Variants in ERBB4 observed in about 807,000 individuals in gnomAD.
The protein encoded by ERBB4 is receptor tyrosine-protein kinase erbB-4.
In ERBB4, 42 loss-of-function variants were observed where a neutral mutation model predicts 158.0. The ratio of observed to expected loss-of-function variants is 0.27; its 90% CI spans 0.21 to 0.34. The LOEUF is 0.34. Among genes scored for constraint, ERBB4 ranks in the 10% least tolerant of loss-of-function variants. The pLI is 1.00. For missense variants in ERBB4, 1,333 were observed against 1,624.1 expected (o/e 0.82, Z 3.08); for synonymous variants, 583 against 558.7 (o/e 1.04, Z -0.61).
intron 1 of ERBB4, among the ~76,000 whole-genome samples, chr2:212,226,529 A>C (rs1338733165): frequency 1.3e-5 from 2 of 152,298 alleles, no homozygotes; most frequent in East Asian, 3.9e-4. Flanking sequence ...AGAAACCATA[A>C]TTATATAGTT....
chr2:211,829,436 A>C (rs946159996), intron 3 of ERBB4, among the ~76,000 whole-genome samples: 1 of 152,088 alleles, frequency 6.6e-6, no homozygotes, highest in East Asian at 1.9e-4. Flanking sequence ...GTTACCGTTA[A>C]GTATCTCATT....
intron 12 of ERBB4, 109 bp downstream of exon 12, chr2:211,701,858 A>G: frequency 1.3e-6 from 1 of 794,850 alleles, no homozygotes; most frequent in East Asian, 2.6e-5. Flanking sequence ...AAGGGTTGGG[A>G]TAACAGAGCA....
At chr2:212,001,439 TTTA>T (rs1198575069) in intron 2 of ERBB4, among the ~76,000 whole-genome samples, 8 of 152,144 alleles carry the variant, frequency 5.3e-5, no homozygotes, top group Non-Finnish European at 7.4e-5. Context: ...GAGAATAATA[TTTA>T]TTTTCTGTGG....
At chr2:211,483,885 C>G (rs1421688001) in intron 20 of ERBB4, among the ~76,000 whole-genome samples, 2 of 151,580 alleles carry the variant, frequency 1.3e-5, no homozygotes, top group African/African-American at 4.9e-5. Context: ...GAGAATAATA[C>G]AAGTAAGAAG....
intron 12 of ERBB4, among the ~76,000 whole-genome samples, chr2:211,697,671 T>C (rs2073075745): frequency 6.6e-6 from 1 of 152,200 alleles, no homozygotes; most frequent in Admixed American, 6.5e-5. Flanking sequence ...CATGTAAATA[T>C]AAAATACTTC....
chr2:212,164,390 C>T (rs2125655385), intron 1 of ERBB4, among the ~76,000 whole-genome samples: 1 of 152,042 alleles, frequency 6.6e-6, no homozygotes, highest in East Asian at 1.9e-4. Flanking sequence ...TTTATCTGCT[C>T]ATTATTTTTA....
chr2:212,268,170 G>T (rs2085217438), intron 1 of ERBB4, among the ~76,000 whole-genome samples: 1 of 151,842 alleles, frequency 6.6e-6, no homozygotes, highest in South Asian at 2.1e-4. Flanking sequence ...TTTGCCTGGG[G>T]TTAGCATGTG....
intron 1 of ERBB4, among the ~76,000 whole-genome samples, chr2:212,374,816 A>G (rs1175568545): frequency 6.6e-6 from 1 of 151,812 alleles, no homozygotes; most frequent in Non-Finnish European, 1.5e-5. Context: ...TCACTGATTT[A>G]CTCTGTGGCA....
At chr2:211,747,199 T>C (rs2075002738) in intron 5 of ERBB4, among the ~76,000 whole-genome samples, 1 of 152,194 alleles carries the variant, frequency 6.6e-6, no homozygotes, top group Non-Finnish European at 1.5e-5. Flanking sequence ...TCCACCCATA[T>C]TACAAGATTT....
At chr2:211,768,267 A>G (rs558688194) in intron 4 of ERBB4, among the ~76,000 whole-genome samples, 2 of 152,300 alleles carry the variant, frequency 1.3e-5, no homozygotes, top group South Asian at 2.1e-4. Context: ...TGCAGGGTAC[A>G]GCCTTCCTCC....
chr2:212,428,654 T>C (rs1275521392), intron 1 of ERBB4, among the ~76,000 whole-genome samples: 1 of 152,002 alleles, frequency 6.6e-6, no homozygotes, highest in Non-Finnish European at 1.5e-5. Flanking sequence ...TGTAAGAAAA[T>C]AGATTTCATG....
chr2:211,979,487 T>C lies in ERBB4; in HGVS notation c.235-31871A>G, dbSNP rs74973990. 2.3e-3 allele frequency among the ~76,000 whole-genome samples: 346 copies of C among 152,326 alleles called. 2 individuals carry two copies. Among genetic ancestry groups the C allele is most frequent in the African/African-American group, 8.0e-3 (332 of 41,576 alleles). The stretch of plus-strand genomic sequence containing the variant: ...TTCCTATGCTTGTCTACTCTTTAGT[T>C]CTACTTTTGACAAAATTATGCTTCT... On this transcript the variant is annotated intron_variant, in intron 2 of 27. Coordinates refer to ENST00000342788, the MANE Select transcript of ERBB4 (RefSeq NM_005235.3).
intron 20 of ERBB4, among the ~76,000 whole-genome samples, chr2:211,441,635 C>T (rs140971216): frequency 6.6e-6 from 1 of 152,098 alleles, no homozygotes; most frequent in Non-Finnish European, 1.5e-5. Flanking sequence ...ATGCTGATAT[C>T]TTTTCTGGGG....
At position 212,062,708 on chromosome 2, in the gene ERBB4, A is replaced by G. The variant is rs1575586058; in HGVS notation, c.234+62044T>C. 2.6e-5 allele frequency among the ~76,000 whole-genome samples: 4 copies of G among 152,116 alleles called. No individual in the cohort carries two copies. In the East Asian group the frequency reaches 5.8e-4, roughly 22 times the overall value. On this transcript the variant is annotated intron_variant, in intron 2 of 27. Transcript: ENST00000342788. ...GAGTGAGCCACCGCTCCCAGCCCTCAATTCTTTAAAACAGAAAATTCAGCA... is the reference window on the plus strand; with the variant it reads ...GAGTGAGCCACCGCTCCCAGCCCTCGATTCTTTAAAACAGAAAATTCAGCA...
chr2:212,430,177 A>C (rs1028722808), intron 1 of ERBB4, among the ~76,000 whole-genome samples: 22 of 152,194 alleles, frequency 1.4e-4, no homozygotes, highest in African/African-American at 5.3e-4. Flanking sequence ...TTTTCCTCTT[A>C]TACTTGTGTT....
intron 3 of ERBB4, among the ~76,000 whole-genome samples, chr2:211,889,221 C>G (rs1289290053): frequency 6.9e-6 from 1 of 144,944 alleles, no homozygotes; most frequent in Non-Finnish European, 1.5e-5. Flanking sequence ...CAGACTGCCT[C>G]CTCAAGTGGG....
chr2:211,589,560 A>G (rs1197842746), intron 19 of ERBB4, among the ~76,000 whole-genome samples: 2 of 152,188 alleles, frequency 1.3e-5, no homozygotes, highest in African/African-American at 4.8e-5. Flanking sequence ...CCACTCCCAT[A>G]CAAAAATGTT....
intron 1 of ERBB4, among the ~76,000 whole-genome samples, chr2:212,488,174 T>C (rs1375420494): frequency 1.3e-5 from 2 of 152,174 alleles, no homozygotes; most frequent in Non-Finnish European, 2.9e-5. Flanking sequence ...TCTGTGCTAT[T>C]TGACCCTTTG....
chr2:212,094,271 AT>A (rs1307120478), intron 2 of ERBB4, among the ~76,000 whole-genome samples: 3 of 149,962 alleles, frequency 2.0e-5, no homozygotes, highest in Admixed American at 2.0e-4. Context: ...AAAAATAATA[AT>A]AATAAAATAA....
Sources: allele counts gnomAD v4.1 joint callset (sites outside exome capture counted in the v4.1 genomes callset), GRCh38; gene constraint gnomAD v4.1.1; transcripts MANE v1.5; gene names NCBI Gene and HGNC (gene_info 2026-07-23, HGNC 2026-07-21).